The following PLXNA2 variants were observed in gnomAD, a reference collection of about 807,000 sequenced individuals.
The protein encoded by PLXNA2 is plexin-A2.
A neutral mutation model predicts 193.5 loss-of-function variants in PLXNA2; 91 were observed. The observed-to-expected ratio is 0.47, with a 90% CI of 0.40 to 0.56. The LOEUF is 0.56. Among genes scored for constraint, PLXNA2 ranks in the 20% least tolerant of loss-of-function variants. PLXNA2 has a pLI of 0.00. For synonymous variants in PLXNA2, 997 were observed against 1,027.3 expected (o/e 0.97, Z 0.56); for missense variants, 1,995 against 2,503.2 (o/e 0.80, Z 4.33).
intron 4 of PLXNA2, among the ~76,000 whole-genome samples, chr1:208,122,812 A>G (rs17259345): frequency 0.05 from 7,583 of 152,298 alleles, 258 homozygotes; most frequent in Non-Finnish European, 0.073. Context: ...ATGGTGCAGC[A>G]TCCACTTCCT....
intron 1 of PLXNA2, among the ~76,000 whole-genome samples, chr1:208,241,217 G>A (rs977336827): frequency 6.6e-6 from 1 of 152,168 alleles, no homozygotes; most frequent in African/African-American, 2.4e-5. Context: ...TGTTCTTTGA[G>A]GGCTTTCTTT....
intron 3 of PLXNA2, among the ~76,000 whole-genome samples, chr1:208,200,748 G>T (rs548216768): frequency 1.3e-5 from 2 of 151,832 alleles, no homozygotes; most frequent in African/African-American, 4.8e-5. Flanking sequence ...GCAGGCATCC[G>T]CCACCAGGCC....
At chr1:208,048,060 T>C (rs1665135383) in intron 17 of PLXNA2, among the ~76,000 whole-genome samples, 1 of 152,156 alleles carries the variant, frequency 6.6e-6, no homozygotes, top group African/African-American at 2.4e-5. Flanking sequence ...ACACCGAGCC[T>C]TGGTGAGCCT....
At chr1:208,173,190 C>A (rs567906476) in intron 3 of PLXNA2, among the ~76,000 whole-genome samples, 1 of 152,226 alleles carries the variant, frequency 6.6e-6, no homozygotes, top group South Asian at 2.1e-4. Flanking sequence ...TTAATATATA[C>A]AAATAAAGTA....
At chr1:208,195,078 T>C (rs1558238339) in intron 3 of PLXNA2, among the ~76,000 whole-genome samples, 1 of 151,746 alleles carries the variant, frequency 6.6e-6, no homozygotes, top group Non-Finnish European at 1.5e-5. Context: ...CAGGAAGAGG[T>C]AGGGGTGGGT....
chr1:208,108,516 T>A (rs1220212455), intron 4 of PLXNA2, among the ~76,000 whole-genome samples: 1 of 152,158 alleles, frequency 6.6e-6, no homozygotes, highest in Non-Finnish European at 1.5e-5. Flanking sequence ...CAACACTGCA[T>A]CTCTGCCACC....
At chr1:208,222,058 A>T (rs1478016006) in intron 1 of PLXNA2, among the ~76,000 whole-genome samples, 1 of 152,218 alleles carries the variant, frequency 6.6e-6, no homozygotes, top group Non-Finnish European at 1.5e-5. Context: ...CTTTGTTATT[A>T]GCAATTTATT....
At chr1:208,135,871 G>A (rs1259818031) in intron 4 of PLXNA2, among the ~76,000 whole-genome samples, 1 of 152,166 alleles carries the variant, frequency 6.6e-6, no homozygotes, top group African/African-American at 2.4e-5. Context: ...GGCAGCAGAG[G>A]GAAGAGGCAA....
At chr1:208,108,952 G>A (rs888694809) in intron 4 of PLXNA2, among the ~76,000 whole-genome samples, 15 of 152,268 alleles carry the variant, frequency 9.9e-5, no homozygotes, top group Admixed American at 6.5e-4. Context: ...AAGGAACAAG[G>A]GAAAATTGTT....
intron 3 of PLXNA2, among the ~76,000 whole-genome samples, chr1:208,143,355 GAATTTCTGATTC>G (rs1668510758): frequency 6.6e-6 from 1 of 152,184 alleles, no homozygotes; most frequent in Non-Finnish European, 1.5e-5. Context: ...CCCACCTCCA[GAATTTCTGATTC>G]AGTGGGCATG....
intron 3 of PLXNA2, among the ~76,000 whole-genome samples, chr1:208,191,543 A>G (rs547143194): frequency 6.9e-4 from 105 of 152,178 alleles, no homozygotes; most frequent in Non-Finnish European, 1.3e-3. Context: ...ACACTGATCT[A>G]TATGCTTTAC....
intron 4 of PLXNA2, among the ~76,000 whole-genome samples, chr1:208,113,148 ACAGACCTCT>A (rs1334606591): frequency 6.6e-6 from 1 of 152,144 alleles, no homozygotes; most frequent in Non-Finnish European, 1.5e-5. Context: ...AATAACTAAA[ACAGACCTCT>A]CATCTGGGGA....
intron 3 of PLXNA2, among the ~76,000 whole-genome samples, chr1:208,176,405 A>G (rs958377845): frequency 4.6e-5 from 7 of 152,242 alleles, no homozygotes; most frequent in African/African-American, 1.4e-4. Flanking sequence ...TCCAGGCTAC[A>G]AACAACATTG....
At position 208,223,233 on chromosome 1, in the gene PLXNA2, T is replaced by C. The variant is rs534561440; in HGVS notation, c.-80-5231A>G. On this transcript the variant is annotated intron_variant, in intron 1 of 31. Transcript: ENST00000367033. ...TTATAAGATTATTCCAACCCACTGT[T>C]TTTTTTTTTTTTTAATATGAAAGAC... is the stretch of plus-strand genomic sequence containing the variant. Among the ~76,000 whole-genome samples, 119 of 146,162 alleles carry C rather than the reference T, an allele frequency of 8.1e-4. 3 individuals carry two copies. In the South Asian group the frequency reaches 0.024, roughly 30 times the overall value.
At chr1:208,159,790 A>T (rs764942717) in intron 3 of PLXNA2, among the ~76,000 whole-genome samples, 48 of 152,314 alleles carry the variant, frequency 3.2e-4, no homozygotes, top group Non-Finnish European at 5.3e-4. Flanking sequence ...TCTGGTTCTC[A>T]GAGAGGAAGG....
chr1:208,175,486 T>G (rs1361547973), intron 3 of PLXNA2, among the ~76,000 whole-genome samples: 2 of 152,162 alleles, frequency 1.3e-5, no homozygotes, highest in Non-Finnish European at 2.9e-5. Flanking sequence ...TAAGAAGAGA[T>G]AGAGGCTACC....
intron 2 of PLXNA2, among the ~76,000 whole-genome samples, chr1:208,213,322 T>C (rs763401785): frequency 1.1e-4 from 16 of 152,300 alleles, no homozygotes; most frequent in Non-Finnish European, 2.4e-4. Context: ...TGGCTTTCCT[T>C]GGAAACAGAA....
chr1:208,221,081 G>T (rs1671313790), intron 1 of PLXNA2, among the ~76,000 whole-genome samples: 2 of 152,184 alleles, frequency 1.3e-5, no homozygotes, highest in Non-Finnish European at 2.9e-5. Flanking sequence ...AAGGCATGAG[G>T]TCACAGGGCA....
At position 208,217,828 on chromosome 1, in the gene PLXNA2, G is replaced by C. The variant is rs1246879296; in HGVS notation, c.95C>G (p.Ala32Gly). Residue 32 changes from alanine to glycine, a missense_variant, in exon 2 of 32, where the codon GCA becomes GGA. This residue lies in a region of PLXNA2 where 702 missense variants were observed against 812.9 expected (regional missense o/e 0.86). Transcript: ENST00000367033. This position sits in a 1 kb window ranked among gnomAD's most constrained non-coding sequence, Gnocchi z 4.7. ...SVVWVLLAPP[A>G]AGMPQFSTFH... ...GGTGCTGAACTGAGGCATGCCGGCT[G>C]CTGGGGGGGCCAGCAGCACCCAGAC... is the stretch of plus-strand genomic sequence containing the variant. 27 of 1,614,128 alleles carry C rather than the reference G, an allele frequency of 1.7e-5. No homozygotes were observed. Among genetic ancestry groups the C allele is most frequent in the Non-Finnish European group, 2.1e-5 (25 of 1,180,020 alleles).
Sources: gnomAD v4.1 joint callset for allele counts (sites outside exome capture counted in the v4.1 genomes callset) on GRCh38, gnomAD v4.1.1 for gene constraint, gnomAD v4.1.1 regional missense constraint, Gnocchi (gnomAD v3.1) non-coding constraint, MANE v1.5 for transcripts, NCBI Gene and HGNC (gene_info 2026-07-23, HGNC 2026-07-21) for gene names.